Variants in PDZRN4 observed in about 807,000 individuals in gnomAD.
The protein encoded by PDZRN4 is PDZ domain-containing RING finger protein 4.
A neutral mutation model predicts 99.0 loss-of-function variants in PDZRN4; 70 were observed. The observed-to-expected ratio is 0.71, with a 90% CI of 0.58 to 0.86. The LOEUF (loss-of-function observed/expected upper bound fraction) is 0.86, where lower values mean the gene tolerates loss of function less well. Among genes scored for constraint, PDZRN4 ranks in the 40% least tolerant of loss-of-function variants. The pLI is 0.00. For synonymous variants in PDZRN4, 551 were observed against 501.6 expected (o/e 1.10, Z -1.32); for missense variants, 1,474 against 1,331.2 (o/e 1.11, Z -1.67).
intron 3 of PDZRN4, among the ~76,000 whole-genome samples, chr12:41,215,395 C>T (rs1950913777): frequency 6.6e-6 from 1 of 151,994 alleles, no homozygotes; most frequent in African/African-American, 2.4e-5. Context: ...GAAATAATCT[C>T]TAAGGTCTAG....
chr12:41,416,469 AC>A (rs1373350706), intron 3 of PDZRN4, among the ~76,000 whole-genome samples: 3 of 151,898 alleles, frequency 2.0e-5, no homozygotes, highest in Admixed American at 1.3e-4. Context: ...ACATGGTGAA[AC>A]CCTGTCTCTA....
chr12:41,548,700 G>A, intron 5 of PDZRN4, among the ~76,000 whole-genome samples: 1 of 152,126 alleles, frequency 6.6e-6, no homozygotes, highest in East Asian at 1.9e-4. Flanking sequence ...TTTAAGCAGT[G>A]TCAACTCTTG....
rs1209796176 is a variant in PDZRN4 at position 41,374,629 on chromosome 12, AG to A, written c.844-131826del. On this transcript the variant is annotated intron_variant, in intron 3 of 9. Coordinates refer to ENST00000402685, the MANE Select transcript of PDZRN4 (RefSeq NM_001164595.2). ...AGGAATTACACTTGAAAAAACTTGA[AG>A]ATTGGTTGAAATTAAGCATGAATGG... Among the ~76,000 whole-genome samples, 4 of 152,290 alleles carry A rather than the reference AG, an allele frequency of 2.6e-5. No individual in the cohort carries two copies. The East Asian group carries it at 7.7e-4, about 29-fold the overall frequency.
intron 5 of PDZRN4, among the ~76,000 whole-genome samples, chr12:41,514,529 A>T (rs943999141): frequency 2.6e-5 from 4 of 152,060 alleles, no homozygotes; most frequent in East Asian, 1.9e-4. Context: ...CCCTAGCATG[A>T]TGCATGTATA....
rs11835941 is a variant in PDZRN4, at chr12:41,381,303, T to A, written c.844-125153T>A. ...ATTTCTTTAAATAGACTTTCTGCAC[T>A]TTCTGCAACTTTCTCTCTCTCTCTT... On this transcript the variant is annotated intron_variant, in intron 3 of 9. Transcript: ENST00000402685. Among the ~76,000 whole-genome samples the A allele has an allele frequency of 1.2e-3, 186 of 152,000 alleles. 1 individual carries two copies. Among genetic ancestry groups the A allele is most frequent in the Middle Eastern group, 6.8e-3 (2 of 294 alleles).
At chr12:41,217,979 A>C (rs1285227353) in intron 3 of PDZRN4, among the ~76,000 whole-genome samples, 1 of 152,130 alleles carries the variant, frequency 6.6e-6, no homozygotes, top group African/African-American at 2.4e-5. Context: ...TGTACAAGTC[A>C]GATAGCAGAA....
chr12:41,286,568 A>G (rs1244905216), intron 3 of PDZRN4, among the ~76,000 whole-genome samples: 1 of 152,154 alleles, frequency 6.6e-6, no homozygotes, highest in Non-Finnish European at 1.5e-5. Context: ...CATTTCATTA[A>G]AAGCAGGCAA....
intron 3 of PDZRN4, among the ~76,000 whole-genome samples, chr12:41,242,638 C>T (rs79174655): frequency 0.016 from 2,495 of 152,180 alleles, 33 homozygotes; most frequent in Non-Finnish European, 0.023. Context: ...GACACACACA[C>T]ACACACACAC....
At chr12:41,444,679 A>T (rs540181952) in intron 3 of PDZRN4, among the ~76,000 whole-genome samples, 3 of 152,234 alleles carry the variant, frequency 2.0e-5, no homozygotes, top group Admixed American at 2.0e-4. Context: ...CTATCACTGG[A>T]CTAAAGCTTT....
At chr12:41,275,281 C>T (rs191445559) in intron 3 of PDZRN4, among the ~76,000 whole-genome samples, 190 of 152,244 alleles carry the variant, frequency 1.2e-3, no homozygotes, top group Middle Eastern at 3.4e-3. Flanking sequence ...TAGCATTCTT[C>T]CCCATCATAA....
chr12:41,456,714 C>T (rs1431476270), intron 3 of PDZRN4, among the ~76,000 whole-genome samples: 1 of 152,168 alleles, frequency 6.6e-6, no homozygotes, highest in Non-Finnish European at 1.5e-5. Context: ...TGAATGGTCA[C>T]TGGATCACCT....
At chr12:41,486,135 T>G (rs556383203) in intron 3 of PDZRN4, among the ~76,000 whole-genome samples, 10 of 152,060 alleles carry the variant, frequency 6.6e-5, no homozygotes, top group Admixed American at 6.6e-4. Flanking sequence ...TTGCTAGGAG[T>G]TTTTGTGTAC....
chr12:41,532,404 GGTA>G (rs1359201409), intron 5 of PDZRN4, among the ~76,000 whole-genome samples: 11 of 152,068 alleles, frequency 7.2e-5, no homozygotes, highest in East Asian at 1.9e-4. Flanking sequence ...TTTGTCGTTT[GGTA>G]GTTCATATAC....
chr12:41,405,643 C>T lies in PDZRN4; in HGVS notation c.844-100813C>T, dbSNP rs112670751. ...GATCATTATGCCAAAAAGACACATG[C>T]GCTCATGTATTTATTGCCATGCTAT... On this transcript the variant is annotated intron_variant, in intron 3 of 9. Transcript: ENST00000402685. Among the ~76,000 whole-genome samples the T allele has an allele frequency of 8.8e-4, 134 of 152,238 alleles. 2 individuals carry two copies. Among genetic ancestry groups the T allele is most frequent in the Middle Eastern group, 3.4e-3 (1 of 294 alleles).
intron 3 of PDZRN4, among the ~76,000 whole-genome samples, chr12:41,411,092 T>C (rs1952396237): frequency 2.0e-5 from 3 of 151,062 alleles, no homozygotes; most frequent in African/African-American, 7.3e-5. Context: ...GTAAAGATAG[T>C]GTCCCACTAT....
intron 3 of PDZRN4, among the ~76,000 whole-genome samples, chr12:41,276,025 G>T (rs1480732076): frequency 2.6e-5 from 4 of 152,124 alleles, no homozygotes; most frequent in Non-Finnish European, 4.4e-5. Flanking sequence ...TGGTAGATGT[G>T]GTTGACTAGC....
At chr12:41,534,998 T>C (rs1938725863) in intron 5 of PDZRN4, among the ~76,000 whole-genome samples, 1 of 152,164 alleles carries the variant, frequency 6.6e-6, no homozygotes, top group South Asian at 2.1e-4. Context: ...TTGAGTAATT[T>C]CCCTCCTCAG....
rs144183469 is a variant in PDZRN4 at position 41,447,772 on chromosome 12, T to TA, written c.844-58683dup. Among the ~76,000 whole-genome samples the TA allele has an allele frequency of 7.0e-3, 1,064 of 152,196 alleles. 9 individuals are homozygous for TA. Among genetic ancestry groups the TA allele is most frequent in the Non-Finnish European group, 8.9e-3 (606 of 67,980 alleles). ...GTTCAAACCAGGGTCTGCCTAATGTTAGAGTACATGTTCATTTTATTGTAA... is the reference window on the plus strand; with the variant it reads ...GTTCAAACCAGGGTCTGCCTAATGTTAAGAGTACATGTTCATTTTATTGTAA... On this transcript the variant is annotated intron_variant, in intron 3 of 9. Coordinates refer to ENST00000402685, the MANE Select transcript of PDZRN4 (RefSeq NM_001164595.2).
At chr12:41,343,588 TG>T (rs1555132511) in intron 3 of PDZRN4, among the ~76,000 whole-genome samples, 3 of 142,102 alleles carry the variant, frequency 2.1e-5, no homozygotes, top group Non-Finnish European at 4.7e-5. Flanking sequence ...AGAGGGGAAG[TG>T]GGGGAGGGGA....
Sources: gnomAD v4.1 joint callset for allele counts (sites outside exome capture counted in the v4.1 genomes callset) on GRCh38, gnomAD v4.1.1 for gene constraint, MANE v1.5 for transcripts, NCBI Gene and HGNC (gene_info 2026-07-23, HGNC 2026-07-21) for gene names.